KRT35: variants seen among roughly 807,000 people sequenced by gnomAD.
The protein encoded by KRT35 is keratin 35, also known as keratin, type I cuticular Ha5.
KRT35 carries 33 observed loss-of-function variants against 42.2 expected under a neutral mutation model. That is an observed-to-expected ratio of 0.78 (90% CI 0.59 to 1.05). The LOEUF (loss-of-function observed/expected upper bound fraction) is 1.05. Among genes scored for constraint, KRT35 ranks in the 50% least tolerant of loss-of-function variants. The pLI is 0.00. For synonymous variants in KRT35, 218 were observed against 238.2 expected (o/e 0.92, Z 0.78); for missense variants, 585 against 589.2 (o/e 0.99, Z 0.07).
At chr17:41,479,629 C>G in intron 2 of KRT35, 70 bp downstream of exon 2, 1 of 1,571,620 alleles carries the variant, frequency 6.4e-7, no homozygotes, top group Non-Finnish European at 8.7e-7. Context: ...ACAGCCAAAA[C>G]CCTGAGCTCA....
At position 41,481,027 on chromosome 17, in the gene KRT35, C is replaced by G. The variant is rs2019246615; in HGVS notation, c.71G>C (p.Gly24Ala). 6.2e-7 allele frequency: 1 copy of G among 1,613,596 alleles called. No homozygotes were observed. The highest frequency in any genetic ancestry group is 8.5e-7 in the Non-Finnish European group (1 of 1,179,890). Residue 24 changes from glycine to alanine, a missense_variant, in exon 1 of 7, where the codon GGC becomes GCC. Coordinates refer to ENST00000246639, the MANE Select transcript of KRT35 (RefSeq NM_002280.6). ...GTACATTGCGGACACACGAGTGGAG[C>G]CCCCACTGGCCCCTCCTGGGCTCTT... ...SLKSPGGASGGSTRVSAMYSS... is the reference protein window; with the variant it reads ...SLKSPGGASGASTRVSAMYSS...
At position 41,477,626 on chromosome 17, in the gene KRT35, G is replaced by A; in HGVS notation, c.1112C>T (p.Ala371Val). 2 of 1,614,266 alleles carry A rather than the reference G, an allele frequency of 1.2e-6. No homozygotes were observed. The highest frequency in any genetic ancestry group is 1.7e-6 in the Non-Finnish European group (2 of 1,180,050). ...CTCCTGGTTCTGCCGCTCCAGGTCA[G>A]CCCGGATCTCGGCCAGCTGGGCCTC... is the stretch of plus-strand genomic sequence containing the variant. ...NVEAQLAEIR[A>V]DLERQNQEYQ... Residue 371 changes from alanine (A) to valine (V), a missense_variant, in exon 6 of 7, where the codon GCT (alanine) becomes GTT (valine). Physicochemically the swap from Ala to Val is moderately conservative, Grantham distance 64 (BLOSUM62 0). Coordinates refer to ENST00000246639, the MANE Select transcript of KRT35 (RefSeq NM_002280.6).
At position 41,480,700 on chromosome 17, in the gene KRT35, C is replaced by A. The variant is rs1177970900; in HGVS notation, c.398G>T (p.Cys133Phe). The change falls in exon 1 of 7, where the codon TGT becomes TTT. Residue 133 changes from cysteine to phenylalanine, a missense_variant. Transcript: ENST00000246639. ...GCACATGTAGGGGACCTGCTGCTCA[C>A]ACCACTCACGGATGCGGCTCTCCAG... Reference protein sequence around the residue: ...ASLESRIREWCEQQVPYMCPD... With the variant: ...ASLESRIREWFEQQVPYMCPD... The A allele has an allele frequency of 1.9e-6, 3 of 1,614,132 alleles. No homozygotes were observed. The highest frequency in any genetic ancestry group is 2.5e-6 in the Non-Finnish European group (3 of 1,180,052).
In KRT35 at chr17:41,479,404, C is replaced by A. The variant is rs771765745; in HGVS notation, c.654G>T (p.Glu218Asp). The A allele has an allele frequency of 1.2e-6, 2 of 1,614,048 alleles. No homozygotes were observed. The highest frequency in any genetic ancestry group is 2.7e-5 in the African/African-American group (2 of 74,928). ...CCTCCTTCAGGGACTCCACCTGGGC[C>A]TCCAGGTCAGACTTGCACAGGGTCA... Reference protein sequence around the residue: ...DDLTLCKSDLEAQVESLKEEL... With the variant: ...DDLTLCKSDLDAQVESLKEEL... The change falls in exon 3 of 7, where the codon GAG becomes GAT. Residue 218 changes from glutamate (E) to aspartate (D), a missense_variant. Coordinates refer to ENST00000246639, the MANE Select transcript of KRT35 (RefSeq NM_002280.6).
At position 41,480,875 on chromosome 17, in the gene KRT35, CAGCAGGGAGGCAGAG is replaced by C. The variant is rs777423088; in HGVS notation, c.208_222del (p.Leu70_Ala74del). 11 of 1,614,054 alleles carry C rather than the reference CAGCAGGGAGGCAGAG, an allele frequency of 6.8e-6. No homozygotes were observed. Among genetic ancestry groups the C allele is most frequent in the Admixed American group, 1.7e-5 (1 of 60,006 alleles). On this transcript the variant is annotated inframe_deletion, in exon 1 of 7. Coordinates refer to ENST00000246639, the MANE Select transcript of KRT35 (RefSeq NM_002280.6). ...CCACTGTAGCTGGTAGCGAAGCCTC[CAGCAGGGAGGCAGAG>C]AGCAGGGAGGCAGCTGGTGGCCCTG...
At chr17:41,478,553 C>A (rs951006985) in intron 4 of KRT35, 67 bp from the exon 5 acceptor site, 1 of 1,561,572 alleles carries the variant, frequency 6.4e-7, no homozygotes, top group African/African-American at 1.4e-5. Flanking sequence ...GCTACAGAGG[C>A]CGGTTAGAAT....
rs1300013958 is a variant in KRT35 at position 41,479,689 on chromosome 17, G to A, written c.554+10C>T. ...CAGCCCCCAACCACATGACAAGCAG[G>A]ACAACTCACTTGGTCCTGAAGTCAT... On this transcript the variant is annotated intron_variant, in intron 2 of 6. Transcript: ENST00000246639. 2 of 1,612,430 alleles carry A rather than the reference G, an allele frequency of 1.2e-6. No individual in the cohort carries two copies. Among genetic ancestry groups the A allele is most frequent in the Admixed American group, 1.7e-5 (1 of 59,994 alleles).
At position 41,476,868 on chromosome 17, in the gene KRT35, G is replaced by C. The variant is rs2019177777; in HGVS notation, c.*188C>G. On this transcript the variant is annotated 3_prime_UTR_variant, in exon 7 of 7. Coordinates refer to ENST00000246639, the MANE Select transcript of KRT35 (RefSeq NM_002280.6). Reference sequence around the variant, plus strand: ...AAATGATGAGGAGTTGAGACCTTTGGGGGCAGCCGGCCTTTGTGACAGGCT... The same window carrying C: ...AAATGATGAGGAGTTGAGACCTTTGCGGGCAGCCGGCCTTTGTGACAGGCT... 7.4e-6 allele frequency: 4 copies of C among 541,978 alleles called. No homozygotes were observed. The Middle Eastern group carries it at 1.4e-3, about 196-fold the overall frequency. The allele number at this position is 541,978 out of a possible 1,614,324, so 33.6% of individuals were successfully genotyped here.
In KRT35 at chr17:41,480,621, T is replaced by C; in HGVS notation, c.471+6A>G. 1 of 1,609,860 alleles carries C rather than the reference T, an allele frequency of 6.2e-7. No homozygotes were observed. The highest frequency in any genetic ancestry group is 8.5e-7 in the Non-Finnish European group (1 of 1,176,390). On this transcript the variant is annotated splice_donor_region_variant and intron_variant, in intron 1 of 6. Coordinates refer to ENST00000246639, the MANE Select transcript of KRT35 (RefSeq NM_002280.6). ...TGGGAATCCAAAGCCACTCTGAACC[T>C]CTTACCTTCTTCTGGAGCTCCTCGA...
chr17:41,477,526 C>T lies in KRT35; in HGVS notation c.1212G>A (p.Glu404=), dbSNP rs2019189577. The change falls in exon 6 of 7, where the codon GAG becomes GAA. Residue 404 remains glutamate (E), a synonymous_variant. Transcript: ENST00000246639. ...INTYRGLLES[E]DSKLPCNPCA... Reference sequence around the variant, plus strand: ...CATGCAGTGATACTCACTTGCTGTCCTCACTCTCCAGCAGGCCCCGGTACG... The same window carrying T: ...CATGCAGTGATACTCACTTGCTGTCTTCACTCTCCAGCAGGCCCCGGTACG... 1.2e-6 allele frequency: 2 copies of T among 1,613,224 alleles called. No individual in the cohort carries two copies. The highest frequency in any genetic ancestry group is 1.7e-6 in the Non-Finnish European group (2 of 1,180,042).
chr17:41,478,618 T>C, intron 4 of KRT35, 132 bp from the exon 5 acceptor site: 3 of 1,230,598 alleles, frequency 2.4e-6, no homozygotes, highest in Non-Finnish European at 3.4e-6. Context: ...TATTTTATAC[T>C]GGAGGGCATT....
chr17:41,477,302 C>T, intron 6 of KRT35, 99 bp from the exon 7 acceptor site: 1 of 1,419,844 alleles, frequency 7.0e-7, no homozygotes, highest in Non-Finnish European at 9.6e-7. Context: ...ACCCTAAAAA[C>T]CACCTTGATC....
chr17:41,480,508 T>G, intron 1 of KRT35, 119 bp downstream of exon 1: 1 of 745,868 alleles, frequency 1.3e-6, no homozygotes, highest in Non-Finnish European at 2.2e-6. Context: ...GAGGAGCAAA[T>G]GAGGCCACAG....
At position 41,477,583 on chromosome 17, in the gene KRT35, G is replaced by A. The variant is rs142217560; in HGVS notation, c.1155C>T (p.Asp385=). The A allele has an allele frequency of 3.2e-4, 510 of 1,613,664 alleles. 3 individuals carry two copies. In the African/African-American group the frequency reaches 5.4e-3, roughly 17 times the overall value. The part of the protein sequence containing the change: ...RQNQEYQVLL[D]VRARLECEIN... ...TCTCACACTCCAGCCGGGCCCGGAC[G>A]TCCAGCAGCACCTGGTACTCCTGGT... The change falls in exon 6 of 7, where the codon GAC becomes GAT. Residue 385 remains aspartate, a synonymous_variant. Transcript: ENST00000246639.
chr17:41,477,883 T>A (rs1013283886), intron 5 of KRT35, 145 bp from the exon 6 acceptor site: 10 of 1,226,570 alleles, frequency 8.2e-6, no homozygotes, highest in Non-Finnish European at 1.1e-5. Context: ...AAGAGTTGTG[T>A]AGGGAGGAAA....
chr17:41,479,364 T>G lies in KRT35; in HGVS notation c.694A>C (p.Lys232Gln), dbSNP rs757582533. ...ESLKEELLCL[K>Q]KNHEEEVNSL... ...ATGCTCACCTCCTCATGGTTCTTCT[T>G]CAGGCAGAGCAGCTCCTCCTTCAGG... is the stretch of plus-strand genomic sequence containing the variant. Residue 232 changes from lysine (K) to glutamine (Q), a missense_variant, in exon 3 of 7, where the codon AAG becomes CAG. By Grantham distance (53) the Lys-to-Gln change is moderately conservative. Transcript: ENST00000246639. 6.2e-7 allele frequency: 1 copy of G among 1,613,932 alleles called. No individual in the cohort carries two copies.
In KRT35 at chr17:41,480,871, C is replaced by T. The variant is rs984400628; in HGVS notation, c.227G>A (p.Gly76Asp). The T allele has an allele frequency of 1.2e-6, 2 of 1,614,086 alleles. No individual in the cohort carries two copies. The highest frequency in any genetic ancestry group is 1.3e-5 in the African/African-American group (1 of 74,914). ...CLPALCLPAG[G>D]FATSYSGGGG... ...ACCCCCACTGTAGCTGGTAGCGAAGCCTCCAGCAGGGAGGCAGAGAGCAGG... is the reference window on the plus strand; with the variant it reads ...ACCCCCACTGTAGCTGGTAGCGAAGTCTCCAGCAGGGAGGCAGAGAGCAGG... The change falls in exon 1 of 7, where the codon GGC (glycine) becomes GAC (aspartate). Residue 76 changes from glycine to aspartate, a missense_variant. Transcript: ENST00000246639.
Position 41,477,719 on chromosome 17 carries a change from GT to G in KRT35, c.1018del (p.Thr340ProfsTer19). 1 of 1,614,036 alleles carries G rather than the reference GT, an allele frequency of 6.2e-7. No individual in the cohort carries two copies. The highest frequency in any genetic ancestry group is 8.5e-7 in the Non-Finnish European group (1 of 1,179,924). ...QHSMRDALESTLAETEARYSS... is the reference protein window; with the variant it reads ...QHSMRDALESXLAETEARYSS... ...ATAGCGGGCCTCCGTCTCTGCCAGG[GT>G]GGATTCCAAAGCATCTCTCTGTGAG... On this transcript the variant is annotated frameshift_variant, in exon 6 of 7. Transcript: ENST00000246639. LOFTEE classifies it high-confidence loss of function.
At chr17:41,477,323 G>A in intron 6 of KRT35, 120 bp from the exon 7 acceptor site, 1 of 1,359,590 alleles carries the variant, frequency 7.4e-7, no homozygotes, top group South Asian at 1.4e-5. Context: ...CTGCCCCCTT[G>A]TTTTACCAAA....
Sources: allele counts gnomAD v4.1 joint callset, GRCh38; gene constraint gnomAD v4.1.1; transcripts MANE v1.5; gene names NCBI Gene and HGNC (gene_info 2026-07-23, HGNC 2026-07-21).